Variants in BOLL observed in about 807,000 individuals in gnomAD.
BOLL encodes the protein boule RNA binding protein.
In BOLL, 23 loss-of-function variants were observed where a neutral mutation model predicts 44.4. The ratio of observed to expected loss-of-function variants is 0.52; its 90% CI spans 0.37 to 0.73. BOLL has a LOEUF of 0.73. Among genes scored for constraint, BOLL ranks in the 30% least tolerant of loss-of-function variants. BOLL has a pLI of 0.00. For synonymous variants in BOLL, 97 were observed against 110.8 expected (o/e 0.88, Z 0.78); for missense variants, 287 against 338.3 (o/e 0.85, Z 1.19).
chr2:197,735,183 AT>A (rs1687427080), intron 10 of BOLL, among the ~76,000 whole-genome samples: 1 of 151,902 alleles, frequency 6.6e-6, no homozygotes, highest in Non-Finnish European at 1.5e-5. Flanking sequence ...AGCTTTTGGA[AT>A]TTTTTCTATT....
At chr2:197,732,809 T>C (rs1296026732) in intron 10 of BOLL, among the ~76,000 whole-genome samples, 56 of 122,042 alleles carry the variant, frequency 4.6e-4, no homozygotes, top group South Asian at 5.5e-4. Context: ...TGGGACGTAT[T>C]TCAAAATAAT....
At chr2:197,772,134 T>A in intron 5 of BOLL, 152 bp from the exon 6 acceptor site, 1 of 585,366 alleles carries the variant, frequency 1.7e-6, no homozygotes, top group Non-Finnish European at 2.6e-6. Context: ...AAATTCCTTA[T>A]GTCAAAGTAT....
intron 10 of BOLL, among the ~76,000 whole-genome samples, chr2:197,742,642 CA>C (rs1687801708): frequency 6.7e-6 from 1 of 150,192 alleles, no homozygotes; most frequent in South Asian, 2.1e-4. Context: ...GGAAGGGGAA[CA>C]TCACACTCCG....
At chr2:197,769,565 C>T (rs1227649497) in intron 6 of BOLL, among the ~76,000 whole-genome samples, 1 of 152,146 alleles carries the variant, frequency 6.6e-6, no homozygotes, top group Non-Finnish European at 1.5e-5. Context: ...CAAATTGTCC[C>T]TCTTTGCAGA....
At chr2:197,748,626 G>T (rs1220124372) in intron 9 of BOLL, among the ~76,000 whole-genome samples, 1 of 152,092 alleles carries the variant, frequency 6.6e-6, no homozygotes, top group Admixed American at 6.6e-5. Flanking sequence ...TGGGAAGTTC[G>T]GACTGGGCAG....
chr2:197,760,070 C>T (rs918051098), intron 7 of BOLL, among the ~76,000 whole-genome samples: 3 of 152,188 alleles, frequency 2.0e-5, no homozygotes, highest in Non-Finnish European at 4.4e-5. Flanking sequence ...GAGCCTGTGT[C>T]CCAGGCCTGA....
At chr2:197,755,199 C>T (rs1035430723) in intron 9 of BOLL, among the ~76,000 whole-genome samples, 36 of 152,322 alleles carry the variant, frequency 2.4e-4, no homozygotes, top group African/African-American at 8.7e-4. Flanking sequence ...GAGATACCAT[C>T]TCACACCAGT....
rs1457434133 is a variant in BOLL, at chr2:197,728,285, A to T, written c.*270T>A. On this transcript the variant is annotated 3_prime_UTR_variant, in exon 11 of 11. Coordinates refer to ENST00000392296, the MANE Select transcript of BOLL (RefSeq NM_033030.6). ...GGTTATTATTTATGGAATGGATAAA[A>T]CATGTTGTAGAAAAGGTCATTACAG... 2.0e-6 allele frequency: 1 copy of T among 497,234 alleles called. No individual in the cohort carries two copies. The highest frequency in any genetic ancestry group is 1.9e-5 in the African/African-American group (1 of 51,632). The allele number at this position is 497,234 out of a possible 1,614,324, so 30.8% of individuals were successfully genotyped here. A position where few individuals can be genotyped will look rare whatever the true frequency, so the allele number is the denominator to read the frequency against.
chr2:197,730,903 A>T (rs1687135756), intron 10 of BOLL, among the ~76,000 whole-genome samples: 1 of 152,138 alleles, frequency 6.6e-6, no homozygotes, highest in Admixed American at 6.5e-5. Flanking sequence ...AAACTGCATC[A>T]ACTAATGAGA....
Position 197,728,189 on chromosome 2 carries a change from C to A in BOLL, c.*366G>T. 2.8e-6 allele frequency: 1 copy of A among 356,106 alleles called. No individual in the cohort carries two copies. Among genetic ancestry groups the A allele is most frequent in the Non-Finnish European group, 5.0e-6 (1 of 200,148 alleles). 22.1% of individuals were successfully genotyped at this position (356,106 alleles called of 1,614,324 possible). On this transcript the variant is annotated 3_prime_UTR_variant, in exon 11 of 11. Transcript: ENST00000392296. ...AAATATCAAATAATATGAAACATAA[C>A]ATCTAATTGTTTGATAAGAAAAAAT...
At chr2:197,752,041 G>A (rs1389358742) in intron 9 of BOLL, among the ~76,000 whole-genome samples, 2 of 152,066 alleles carry the variant, frequency 1.3e-5, no homozygotes, top group Non-Finnish European at 2.9e-5. Flanking sequence ...CAGAACCAAC[G>A]ACAAAAACCA....
chr2:197,784,331 T>G (rs533818088), intron 1 of BOLL, among the ~76,000 whole-genome samples: 12 of 144,186 alleles, frequency 8.3e-5, no homozygotes, highest in Non-Finnish European at 1.6e-4. Flanking sequence ...AGGAGAGACC[T>G]GCTCATGATA....
At chr2:197,785,904 C>T (rs942876503), upstream of BOLL, 4 of 1,250,082 alleles carry the variant, frequency 3.2e-6, no homozygotes, top group African/African-American at 5.9e-5. This position sits in a 1 kb window ranked among gnomAD's most constrained non-coding sequence, Gnocchi z 6.7. Flanking sequence ...CCTCGCCCCT[C>T]CAAGCCCTCA....
intron 9 of BOLL, among the ~76,000 whole-genome samples, chr2:197,748,764 C>T (rs1271679032): frequency 6.6e-6 from 1 of 152,236 alleles, no homozygotes; most frequent in Non-Finnish European, 1.5e-5. Context: ...ACTCCCATCT[C>T]CCTGGGACAA....
chr2:197,786,193 G>T, upstream of BOLL: 1 of 818,392 alleles, frequency 1.2e-6, no homozygotes, highest in Non-Finnish European at 1.8e-6. The surrounding 1 kb of genome is among the most constrained non-coding windows in gnomAD (Gnocchi z 5.9). Context: ...GGCGGGTGGG[G>T]AGAAGCGGAC....
At chr2:197,764,626 C>CCT (rs1688906212) in intron 7 of BOLL, among the ~76,000 whole-genome samples, 1 of 152,130 alleles carries the variant, frequency 6.6e-6, no homozygotes, top group African/African-American at 2.4e-5. Flanking sequence ...AGTAGCTTAT[C>CCT]CTCTGCTGGT....
chr2:197,741,623 A>G (rs1354432825), intron 10 of BOLL, among the ~76,000 whole-genome samples: 1 of 152,158 alleles, frequency 6.6e-6, no homozygotes, highest in East Asian at 1.9e-4. Context: ...AGAAAGCTGA[A>G]ACTGGATCCC....
intron 10 of BOLL, among the ~76,000 whole-genome samples, chr2:197,737,509 T>C (rs1341683293): frequency 6.6e-6 from 1 of 152,128 alleles, no homozygotes; most frequent in Non-Finnish European, 1.5e-5. Flanking sequence ...TGTTTGACTA[T>C]ATATAGCATA....
At chr2:197,780,634 T>C (rs1689725396) in intron 2 of BOLL, among the ~76,000 whole-genome samples, 1 of 152,058 alleles carries the variant, frequency 6.6e-6, no homozygotes, top group South Asian at 2.1e-4. Context: ...AATCATATAC[T>C]TGTTTAAGAC....
Sources: gnomAD v4.1 joint callset for allele counts (sites outside exome capture counted in the v4.1 genomes callset) on GRCh38, gnomAD v4.1.1 for gene constraint, Gnocchi (gnomAD v3.1) non-coding constraint, MANE v1.5 for transcripts, NCBI Gene and HGNC (gene_info 2026-07-23, HGNC 2026-07-21) for gene names.